Variants in SDCBP observed in about 807,000 individuals in gnomAD.
SDCBP encodes the protein syntenin-1.
A neutral mutation model predicts 30.5 loss-of-function variants in SDCBP; 22 were observed. The ratio of observed to expected loss-of-function variants is 0.72; its 90% CI spans 0.52 to 1.03. SDCBP has a LOEUF of 1.03. Ranked by LOEUF, SDCBP falls within the 50% of genes least tolerant of loss-of-function variation. The probability of loss-of-function intolerance (pLI) is 0.00; values close to 1 mark genes in which losing one functional copy is unlikely to be tolerated. For synonymous variants in SDCBP, 103 were observed against 118.7 expected, an observed-to-expected ratio of 0.87 and a Z score of 0.86; for missense variants, 304 against 369.9, an observed-to-expected ratio of 0.82 and a Z score of 1.46.
chr8:58,555,823 G>C (rs928396137), intron 1 of SDCBP, among the ~76,000 whole-genome samples: 1 of 151,446 alleles, frequency 6.6e-6, no homozygotes, highest in East Asian at 1.9e-4. Flanking sequence ...CAGTCCTCCT[G>C]TCTCAGCCTC....
At chr8:58,579,815 C>A in intron 7 of SDCBP, 21 bp downstream of exon 7, 2 of 1,551,390 alleles carry the variant, frequency 1.3e-6, no homozygotes, top group South Asian at 1.2e-5. Context: ...GACTTTGTGC[C>A]ATGTTCTGCT....
intron 1 of SDCBP, among the ~76,000 whole-genome samples, chr8:58,559,870 A>G (rs1285683224): frequency 1.3e-5 from 2 of 152,234 alleles, no homozygotes; most frequent in African/African-American, 4.8e-5. Context: ...CTTGCTCACC[A>G]TAGTTCATTC....
intron 1 of SDCBP, among the ~76,000 whole-genome samples, 177 bp downstream of exon 1, chr8:58,553,480 T>C (rs1268662984): frequency 1.3e-5 from 2 of 151,926 alleles, no homozygotes; most frequent in African/African-American, 4.8e-5. Context: ...CCCTGCGCCC[T>C]GCTGGCTGGG....
rs556569919 is a variant in SDCBP at position 58,582,190 on chromosome 8, A to T, written c.*450A>T. On this transcript the variant is annotated 3_prime_UTR_variant, in exon 9 of 9. Transcript: ENST00000260130. ...AATGATTGCCTTTGATTTTTTTTTT[A>T]AATTCTGTGTGTGTGTGTGTAAAAT... 4.6e-3 allele frequency: 720 copies of T among 156,070 alleles called. 6 individuals carry two copies. Among genetic ancestry groups the T allele is most frequent in the African/African-American group, 0.016 (678 of 41,310 alleles). The allele number at this position is 156,070 out of a possible 1,614,324, so 9.7% of individuals were successfully genotyped here.
At chr8:58,578,593 C>T (rs964100552) in intron 6 of SDCBP, among the ~76,000 whole-genome samples, 2 of 152,090 alleles carry the variant, frequency 1.3e-5, no homozygotes, top group African/African-American at 4.8e-5. Context: ...TATGGGAGTT[C>T]TGAAAACCGT....
intron 6 of SDCBP, among the ~76,000 whole-genome samples, chr8:58,578,871 G>A (rs1370307109): frequency 6.6e-6 from 1 of 152,126 alleles, no homozygotes; most frequent in African/African-American, 2.4e-5. Context: ...AAATGTTTCA[G>A]ATGAATGTCC....
intron 2 of SDCBP, among the ~76,000 whole-genome samples, chr8:58,566,430 G>A (rs1458595093): frequency 6.6e-6 from 1 of 152,148 alleles, no homozygotes; most frequent in Admixed American, 6.5e-5. Context: ...AGCAGCAGAA[G>A]AGTTGATATT....
intron 1 of SDCBP, chr8:58,561,732 G>T (rs1246369041): frequency 1.5e-6 from 1 of 681,344 alleles, no homozygotes; most frequent in East Asian, 2.7e-5. Flanking sequence ...TGTTCAACAT[G>T]AAAGTATAAA....
In SDCBP at chr8:58,579,791, G is replaced by T; in HGVS notation, c.747G>T (p.Leu249Phe). Residue 249 changes from leucine (L) to phenylalanine (F), a missense_variant, in exon 7 of 9, where the codon TTG becomes TTT. Transcript: ENST00000260130. ...CEINGQNVIG[L>F]KDSQIADILS... ...TCAATGGACAGAATGTCATTGGATT[G>T]AAGGTAAGGAACAGACTTTGTGCCA... The T allele has an allele frequency of 4.4e-6, 7 of 1,606,402 alleles. No homozygotes were observed. Among genetic ancestry groups the T allele is most frequent in the Non-Finnish European group, 5.9e-6 (7 of 1,176,762 alleles).
At chr8:58,556,956 T>C (rs1263571449) in intron 1 of SDCBP, among the ~76,000 whole-genome samples, 1 of 139,218 alleles carries the variant, frequency 7.2e-6, no homozygotes, top group African/African-American at 2.6e-5. Flanking sequence ...TAATATATAA[T>C]GATTTATATA....
Position 58,572,301 on chromosome 8 carries a change from C to T in SDCBP, c.227C>T (p.Ala76Val). ...IRANVAVVSGAPLQGQLVARP... is the reference protein window; with the variant it reads ...IRANVAVVSGVPLQGQLVARP... ...GCAAATGTGGCCGTGGTTTCTGGTG[C>T]ACCACTTCAGGGGGTATGTATAGTG... Residue 76 changes from alanine (A) to valine (V), a missense_variant, in exon 4 of 9, where the codon GCA (alanine) becomes GTA (valine). By Grantham distance (64) the Ala-to-Val change is moderately conservative (BLOSUM62 0). Coordinates refer to ENST00000260130, the MANE Select transcript of SDCBP (RefSeq NM_005625.4). 1 of 1,603,476 alleles carries T rather than the reference C, an allele frequency of 6.2e-7. No individual in the cohort carries two copies. The highest frequency in any genetic ancestry group is 1.1e-5 in the South Asian group (1 of 90,836).
Position 58,575,936 on chromosome 8 carries a change from G to T in SDCBP, c.277G>T (p.Val93Leu). 6 of 1,613,436 alleles carry T rather than the reference G, an allele frequency of 3.7e-6. No individual in the cohort carries two copies. In the South Asian group the frequency reaches 5.5e-5, roughly 15 times the overall value. The change falls in exon 5 of 9, where the codon GTG becomes TTG. Residue 93 changes from valine to leucine, a missense_variant. Coordinates refer to ENST00000260130, the MANE Select transcript of SDCBP (RefSeq NM_005625.4). The part of the protein sequence containing the change: ...VARPSSINYM[V>L]APVTGNDVGI... Reference sequence around the variant, plus strand: ...AAGACCTTCCAGTATAAACTATATGGTGGCTCCTGTAACTGGTAATGATGT... The same window carrying T: ...AAGACCTTCCAGTATAAACTATATGTTGGCTCCTGTAACTGGTAATGATGT...
At chr8:58,573,157 A>AT (rs1156681006) in intron 4 of SDCBP, among the ~76,000 whole-genome samples, 5 of 152,104 alleles carry the variant, frequency 3.3e-5, no homozygotes, top group African/African-American at 9.7e-5. Flanking sequence ...GCTCCATGTA[A>AT]TTAGACTCCA....
At chr8:58,573,029 A>G (rs188248781) in intron 4 of SDCBP, among the ~76,000 whole-genome samples, 30 of 152,184 alleles carry the variant, frequency 2.0e-4, no homozygotes, top group Admixed American at 1.8e-3. Context: ...GCTGGTCTCG[A>G]ACACCTGACC....
intron 2 of SDCBP, among the ~76,000 whole-genome samples, chr8:58,570,042 A>T (rs577957655): frequency 6.6e-6 from 1 of 152,358 alleles, no homozygotes; most frequent in South Asian, 2.1e-4. Context: ...AAAATGATAC[A>T]TTTCCAATAA....
intron 8 of SDCBP, among the ~76,000 whole-genome samples, chr8:58,580,883 T>C (rs1369839482): frequency 1.3e-5 from 2 of 152,184 alleles, no homozygotes; most frequent in Non-Finnish European, 2.9e-5. Context: ...CTTTCAGCTT[T>C]CAATTTGCAG....
rs1000818063 is a variant in SDCBP at position 58,558,013 on chromosome 8, G to T, written c.-16+4710G>T. The stretch of plus-strand genomic sequence containing the variant: ...CAATTAGAAGGATTTCCCAGAGTTA[G>T]CTTTGTGGTTCTTGAAAAAGGGCTG... On this transcript the variant is annotated intron_variant, in intron 1 of 8. Transcript: ENST00000260130. Among the ~76,000 whole-genome samples the T allele has an allele frequency of 1.1e-4, 17 of 152,102 alleles. No individual in the cohort carries two copies. The South Asian group carries it at 3.5e-3, about 31-fold the overall frequency.
At chr8:58,572,566 T>A (rs1262106224) in intron 4 of SDCBP, among the ~76,000 whole-genome samples, 1 of 152,192 alleles carries the variant, frequency 6.6e-6, no homozygotes, top group Non-Finnish European at 1.5e-5. Flanking sequence ...CTGCATTTAG[T>A]CAGTTACTAA....
intron 1 of SDCBP, among the ~76,000 whole-genome samples, chr8:58,564,174 G>C (rs937047174): frequency 2.0e-5 from 3 of 152,148 alleles, no homozygotes; most frequent in Non-Finnish European, 2.9e-5. Context: ...TTTTGGGAGA[G>C]AAAGCAATAA....
Sources: allele counts gnomAD v4.1 joint callset (sites outside exome capture counted in the v4.1 genomes callset), GRCh38; gene constraint gnomAD v4.1.1; transcripts MANE v1.5; gene names NCBI Gene and HGNC (gene_info 2026-07-23, HGNC 2026-07-21).